Variants in KLHL1 observed in about 807,000 individuals in gnomAD.
The protein encoded by KLHL1 is kelch-like protein 1.
In KLHL1, 47 loss-of-function variants were observed where a neutral mutation model predicts 77.7. The ratio of observed to expected loss-of-function variants is 0.60; its 90% CI spans 0.48 to 0.77. The LOEUF (loss-of-function observed/expected upper bound fraction) is 0.77. KLHL1 is among the 30% of genes least tolerant of loss of function. KLHL1 has a pLI of 0.00. For missense variants in KLHL1, 925 were observed against 910.8 expected (o/e 1.02, Z -0.20); for synonymous variants, 360 against 325.2 (o/e 1.11, Z -1.15).
At chr13:69,908,671 A>G (rs929144960) in intron 4 of KLHL1, among the ~76,000 whole-genome samples, 1 of 151,612 alleles carries the variant, frequency 6.6e-6, no homozygotes, top group Non-Finnish European at 1.5e-5. Flanking sequence ...GACCAAAAAT[A>G]ATGCCTATGA....
intron 1 of KLHL1, among the ~76,000 whole-genome samples, chr13:70,066,123 G>C (rs1366443750): frequency 6.6e-6 from 1 of 152,052 alleles, no homozygotes; most frequent in African/African-American, 2.4e-5. Flanking sequence ...CAACACAAGG[G>C]TTTGCAAATT....
At chr13:69,819,588 GTAAGT>G (rs1878255254) in intron 6 of KLHL1, among the ~76,000 whole-genome samples, 1 of 150,804 alleles carries the variant, frequency 6.6e-6, no homozygotes, top group Non-Finnish European at 1.5e-5. Context: ...ACCTATGGCT[GTAAGT>G]AGTCATTCAA....
intron 1 of KLHL1, among the ~76,000 whole-genome samples, chr13:70,041,305 G>C (rs767693198): frequency 3.9e-5 from 6 of 152,146 alleles, no homozygotes; most frequent in Non-Finnish European, 8.8e-5. Flanking sequence ...ATGAGTGACT[G>C]TCAGTTGCAA....
At chr13:70,039,472 A>G (rs1593695564) in intron 1 of KLHL1, among the ~76,000 whole-genome samples, 3 of 152,108 alleles carry the variant, frequency 2.0e-5, no homozygotes, top group African/African-American at 7.2e-5. Flanking sequence ...TTTTTGGCCA[A>G]TATATGATTG....
intron 1 of KLHL1, among the ~76,000 whole-genome samples, chr13:70,025,292 C>T (rs1379609545): frequency 6.6e-6 from 1 of 151,912 alleles, no homozygotes; most frequent in Non-Finnish European, 1.5e-5. Context: ...GTCTACTTAA[C>T]CAAAACATAG....
chr13:69,877,616 T>C (rs1880817787), intron 5 of KLHL1, among the ~76,000 whole-genome samples: 1 of 152,192 alleles, frequency 6.6e-6, no homozygotes, highest in Admixed American at 6.5e-5. Flanking sequence ...TTTTAAATAG[T>C]GTAATTCATT....
At chr13:69,961,788 G>A (rs1046861175) in intron 2 of KLHL1, among the ~76,000 whole-genome samples, 3 of 150,696 alleles carry the variant, frequency 2.0e-5, no homozygotes, top group African/African-American at 7.3e-5. Flanking sequence ...GAATTTGAAC[G>A]CATAACATAT....
At chr13:69,927,982 G>A (rs939356090) in intron 4 of KLHL1, among the ~76,000 whole-genome samples, 14 of 152,076 alleles carry the variant, frequency 9.2e-5, no homozygotes, top group African/African-American at 1.7e-4. Flanking sequence ...CAAGAATGCT[G>A]GACAGAAATA....
intron 5 of KLHL1, among the ~76,000 whole-genome samples, chr13:69,880,774 CTAATA>C (rs1269894732): frequency 6.6e-6 from 1 of 152,078 alleles, no homozygotes; most frequent in Non-Finnish European, 1.5e-5. Flanking sequence ...TTGACCTACT[CTAATA>C]TGTGTCCTAC....
chr13:69,845,853 T>C (rs1441816023), intron 5 of KLHL1, among the ~76,000 whole-genome samples: 1 of 151,386 alleles, frequency 6.6e-6, no homozygotes, highest in African/African-American at 2.4e-5. Flanking sequence ...CTAATATTAC[T>C]GCTTCAAGAT....
rs186797220 is a variant in KLHL1, at chr13:70,018,138, G to A, written c.498-42336C>T. Among the ~76,000 whole-genome samples, 13 of 152,068 alleles carry A rather than the reference G, an allele frequency of 8.5e-5. No individual in the cohort carries two copies. The East Asian group carries it at 1.7e-3, about 20-fold the overall frequency. The stretch of plus-strand genomic sequence containing the variant: ...TGAAATCTACGAGTGAATAACTTAC[G>A]GGAAGCTAAATAACAACAAATCCTA... On this transcript the variant is annotated intron_variant, in intron 1 of 10. Coordinates refer to ENST00000377844, the MANE Select transcript of KLHL1 (RefSeq NM_020866.3).
At chr13:70,002,647 A>G (rs1322264064) in intron 1 of KLHL1, among the ~76,000 whole-genome samples, 1 of 151,738 alleles carries the variant, frequency 6.6e-6, no homozygotes, top group Non-Finnish European at 1.5e-5. Context: ...CATAAACCTC[A>G]ATTAGACACA....
intron 1 of KLHL1, among the ~76,000 whole-genome samples, chr13:70,000,820 A>C (rs1885269360): frequency 6.6e-6 from 1 of 151,682 alleles, no homozygotes; most frequent in Admixed American, 6.6e-5. Flanking sequence ...TTATTTAAAA[A>C]AGAAAAGTAA....
intron 1 of KLHL1, among the ~76,000 whole-genome samples, chr13:70,040,655 T>A (rs1886356630): frequency 6.6e-6 from 1 of 152,178 alleles, no homozygotes; most frequent in African/African-American, 2.4e-5. Context: ...GTCTTTAGTA[T>A]TTGTAAGTTT....
chr13:70,047,160 T>C (rs553528467), intron 1 of KLHL1, among the ~76,000 whole-genome samples: 1 of 151,946 alleles, frequency 6.6e-6, no homozygotes, highest in South Asian at 2.1e-4. Context: ...CTAAAATGTG[T>C]GCCTACATTG....
At chr13:69,778,911 G>A (rs1875978537) in intron 7 of KLHL1, among the ~76,000 whole-genome samples, 1 of 147,034 alleles carries the variant, frequency 6.8e-6, no homozygotes, top group Admixed American at 7.2e-5. Flanking sequence ...CAATTCTCCT[G>A]CCTCAGCCTC....
chr13:70,032,234 G>A (rs1464518617), intron 1 of KLHL1, among the ~76,000 whole-genome samples: 1 of 152,166 alleles, frequency 6.6e-6, no homozygotes. Flanking sequence ...AAGACTTGAT[G>A]GGAGATACTA....
In KLHL1 at chr13:69,796,861, C is replaced by A. The variant is rs1233387340; in HGVS notation, c.1516G>T (p.Asp506Tyr). The change falls in exon 7 of 11, where the codon GAC (aspartate) becomes TAC (tyrosine). Residue 506 changes from aspartate to tyrosine, a missense_variant. Coordinates refer to ENST00000377844, the MANE Select transcript of KLHL1 (RefSeq NM_020866.3). ...RLQFGVAVIDDKLFVIGGRDG... is the reference protein window; with the variant it reads ...RLQFGVAVIDYKLFVIGGRDG... Reference sequence around the variant, plus strand: ...CGACCTCCAATTACAAAGAGTTTGTCATCAATAACAGCCACACCAAACTGC... The same window carrying A: ...CGACCTCCAATTACAAAGAGTTTGTAATCAATAACAGCCACACCAAACTGC... The A allele has an allele frequency of 6.2e-7, 1 of 1,613,972 alleles. No individual in the cohort carries two copies. Among genetic ancestry groups the A allele is most frequent in the African/African-American group, 1.3e-5 (1 of 74,910 alleles).
intron 6 of KLHL1, among the ~76,000 whole-genome samples, chr13:69,798,325 A>G (rs978555923): frequency 6.6e-6 from 1 of 152,222 alleles, no homozygotes; most frequent in Non-Finnish European, 1.5e-5. Context: ...GAACCTAACT[A>G]GTAATGAACT....
Sources: allele counts gnomAD v4.1 joint callset (sites outside exome capture counted in the v4.1 genomes callset), GRCh38; gene constraint gnomAD v4.1.1; transcripts MANE v1.5; gene names NCBI Gene and HGNC (gene_info 2026-07-23, HGNC 2026-07-21).